The following SOBP variants were observed in gnomAD, a reference collection of about 807,000 sequenced individuals.
SOBP encodes sine oculis binding protein homolog.
A neutral mutation model predicts 53.6 loss-of-function variants in SOBP; 4 were observed. The observed-to-expected ratio is 0.07, with a 90% CI of 0.04 to 0.17. SOBP has a LOEUF of 0.17. Ranked by LOEUF, SOBP falls within the 10% of genes least tolerant of loss-of-function variation. The pLI is 1.00. For missense variants in SOBP, 1,088 were observed against 1,204.7 expected (o/e 0.90, Z 1.43); for synonymous variants, 584 against 522.6 (o/e 1.12, Z -1.60).
At position 107,644,314 on chromosome 6, in the gene SOBP, A is replaced by C. The variant is rs181705656; in HGVS notation, c.*3+8845A>C. Among the ~76,000 whole-genome samples the C allele has an allele frequency of 1.5e-4, 22 of 150,614 alleles. No homozygotes were observed. The East Asian group carries it at 4.1e-3, about 28-fold the overall frequency. Reference sequence around the variant, plus strand: ...GTGAGACTCCATCTCAAAACAAAAAACAAACAAAAAACTTCCCATTAGAGT... The same window carrying C: ...GTGAGACTCCATCTCAAAACAAAAACCAAACAAAAAACTTCCCATTAGAGT... On this transcript the variant is annotated intron_variant, in intron 6 of 6. Coordinates refer to ENST00000317357, the MANE Select transcript of SOBP (RefSeq NM_018013.4).
intron 5 of SOBP, among the ~76,000 whole-genome samples, chr6:107,603,630 A>G (rs907883881): frequency 8.5e-5 from 13 of 152,154 alleles, no homozygotes; most frequent in African/African-American, 2.7e-4. Flanking sequence ...AAGCCCCCCA[A>G]AAAGTACTTT....
At chr6:107,612,888 A>G (rs753559708) in intron 5 of SOBP, among the ~76,000 whole-genome samples, 2 of 152,206 alleles carry the variant, frequency 1.3e-5, no homozygotes, top group African/African-American at 4.8e-5. Context: ...AATGTTTTCA[A>G]GGTTCCTACA....
At chr6:107,632,601 T>A (rs1770764855) in intron 5 of SOBP, among the ~76,000 whole-genome samples, 1 of 152,222 alleles carries the variant, frequency 6.6e-6, no homozygotes, top group Non-Finnish European at 1.5e-5. Flanking sequence ...CACAATAATT[T>A]CTCCAAAGTA....
chr6:107,620,162 T>G (rs1786951361), intron 5 of SOBP, among the ~76,000 whole-genome samples: 1 of 152,170 alleles, frequency 6.6e-6, no homozygotes, highest in African/African-American at 2.4e-5. Flanking sequence ...TGGACTGCCT[T>G]ACTGCTCCCA....
chr6:107,541,460 T>G (rs1784145111), intron 4 of SOBP, among the ~76,000 whole-genome samples: 1 of 152,230 alleles, frequency 6.6e-6, no homozygotes, highest in African/African-American at 2.4e-5. Flanking sequence ...ATTTTGCATC[T>G]GATTTTTGTC....
chr6:107,601,059 G>A (rs553342595), intron 5 of SOBP, among the ~76,000 whole-genome samples: 5 of 152,250 alleles, frequency 3.3e-5, no homozygotes, highest in African/African-American at 4.8e-5. Context: ...AAACCATACC[G>A]GTGTGGCTCT....
At chr6:107,554,142 G>T (rs1305942891) in intron 4 of SOBP, among the ~76,000 whole-genome samples, 2 of 152,140 alleles carry the variant, frequency 1.3e-5, no homozygotes, top group Admixed American at 1.3e-4. Flanking sequence ...CAGATTTTTT[G>T]AGTAACCCTC....
intron 4 of SOBP, among the ~76,000 whole-genome samples, chr6:107,570,137 T>A (rs1785032783): frequency 6.6e-6 from 1 of 152,220 alleles, no homozygotes; most frequent in African/African-American, 2.4e-5. Flanking sequence ...TTGGTGTTTT[T>A]TCCTTCCCCT....
intron 4 of SOBP, among the ~76,000 whole-genome samples, chr6:107,586,294 G>A (rs766455831): frequency 2.6e-5 from 4 of 152,168 alleles, no homozygotes; most frequent in South Asian, 2.1e-4. Context: ...CAAGTGTCAC[G>A]CAAATGAATG....
chr6:107,572,818 G>A (rs566445729), intron 4 of SOBP, among the ~76,000 whole-genome samples: 7 of 152,324 alleles, frequency 4.6e-5, no homozygotes, highest in South Asian at 2.1e-4. Flanking sequence ...CAAAGTTTAC[G>A]TAGGGTGAAG....
intron 6 of SOBP, among the ~76,000 whole-genome samples, chr6:107,636,780 A>C (rs955610749): frequency 6.6e-6 from 1 of 152,148 alleles, no homozygotes; most frequent in South Asian, 2.1e-4. Context: ...CGTAAGATGA[A>C]TAATTGCTCA....
intron 5 of SOBP, among the ~76,000 whole-genome samples, chr6:107,627,696 G>T (rs1022633437): frequency 6.6e-6 from 1 of 152,204 alleles, no homozygotes; most frequent in Non-Finnish European, 1.5e-5. Context: ...ACACCAGCAT[G>T]TTGGAATCTA....
At chr6:107,524,245 C>T (rs1409628639) in intron 3 of SOBP, among the ~76,000 whole-genome samples, 4 of 152,212 alleles carry the variant, frequency 2.6e-5, no homozygotes, top group Non-Finnish European at 4.4e-5. Flanking sequence ...TGCTGGAGCA[C>T]ACTTTTTGAT....
intron 5 of SOBP, among the ~76,000 whole-genome samples, chr6:107,596,187 G>T (rs545820048): frequency 6.6e-6 from 1 of 152,080 alleles, no homozygotes; most frequent in Admixed American, 6.5e-5. Flanking sequence ...ATTCTGAGAT[G>T]CACTTTCCCC....
At chr6:107,640,419 A>C (rs1410740417) in intron 6 of SOBP, among the ~76,000 whole-genome samples, 2 of 152,192 alleles carry the variant, frequency 1.3e-5, no homozygotes, top group Non-Finnish European at 2.9e-5. Flanking sequence ...TCCCTAAGTT[A>C]AGGGTTAGCT....
chr6:107,645,318 CTCAT>C (rs1771506433), intron 6 of SOBP, among the ~76,000 whole-genome samples: 1 of 152,186 alleles, frequency 6.6e-6, no homozygotes, highest in South Asian at 2.1e-4. Context: ...TCCCCTTTTG[CTCAT>C]TCATAGTTCA....
rs141745949 is a variant in SOBP at position 107,497,514 on chromosome 6, AAAAC to A, written c.97-6139_97-6136del. ...TAGGCAATAAAAATAAGCAAAAAGA[AAAAC>A]AAAGCCTGTAATTTTCCCACCCAGA... On this transcript the variant is annotated intron_variant, in intron 1 of 6. Transcript: ENST00000317357. 7.9e-3 allele frequency among the ~76,000 whole-genome samples: 1,204 copies of A among 152,300 alleles called. 15 individuals are homozygous for A. Among genetic ancestry groups the A allele is most frequent in the African/African-American group, 0.027 (1,115 of 41,576 alleles).
chr6:107,657,533 G>A (rs1197857506), intron 6 of SOBP, among the ~76,000 whole-genome samples: 1 of 152,164 alleles, frequency 6.6e-6, no homozygotes, highest in East Asian at 1.9e-4. Flanking sequence ...ATGTGTCCAT[G>A]GTAATTTTCC....
intron 6 of SOBP, among the ~76,000 whole-genome samples, chr6:107,653,768 A>T (rs994506236): frequency 6.6e-6 from 1 of 152,232 alleles, no homozygotes; most frequent in African/African-American, 2.4e-5. Context: ...TAGTTTGGAA[A>T]TGTTGGGATG....
Sources: allele counts gnomAD v4.1 joint callset (sites outside exome capture counted in the v4.1 genomes callset), GRCh38; gene constraint gnomAD v4.1.1; transcripts MANE v1.5; gene names NCBI Gene and HGNC (gene_info 2026-07-23, HGNC 2026-07-21).